Variants in PCDH11X observed in about 807,000 individuals in gnomAD.
PCDH11X encodes the protein protocadherin 11 X-linked.
In PCDH11X, 18 loss-of-function variants were observed where a neutral mutation model predicts 53.3. That is an observed-to-expected ratio of 0.34 (90% CI 0.23 to 0.50). PCDH11X has a LOEUF of 0.50. PCDH11X is among the 20% of genes least tolerant of loss of function. The pLI, the probability that PCDH11X is intolerant of heterozygous loss-of-function variation, is 0.98. For synonymous variants in PCDH11X, 279 were observed against 393.3 expected (o/e 0.71, Z 3.44); for missense variants, 570 against 1,032.4 (o/e 0.55, Z 6.14).
At chrX:92,042,067 A>G (rs1300963565) in intron 6 of PCDH11X, among the ~76,000 whole-genome samples, 2 of 111,955 alleles carry the variant, frequency 1.8e-5, no homozygotes, top group Non-Finnish European at 3.8e-5. Flanking sequence ...AAATCCTAAA[A>G]CAACTAAAGT....
intron 7 of PCDH11X, among the ~76,000 whole-genome samples, chrX:92,234,108 C>A (rs188572404): frequency 8.9e-6 from 1 of 111,947 alleles, no homozygotes; most frequent in East Asian, 2.8e-4. Flanking sequence ...AAAGCACTTA[C>A]CACTTTTCTA....
chrX:91,989,243 T>TG (rs1244551918), intron 6 of PCDH11X, among the ~76,000 whole-genome samples: 1 of 105,700 alleles, frequency 9.5e-6, no homozygotes, highest in Non-Finnish European at 1.9e-5. Flanking sequence ...ACATTTCTTG[T>TG]GAAAAAAAAA....
chrX:91,792,344 G>A (rs2524829), intron 1 of PCDH11X, among the ~76,000 whole-genome samples: 1 of 111,750 alleles, frequency 8.9e-6, no homozygotes, highest in Admixed American at 9.5e-5. Flanking sequence ...TGATGTCAGA[G>A]TATTCCAATT....
rs189446755 is a variant in PCDH11X, at chrX:92,520,157, G to A, written c.3367+51835G>A. On this transcript the variant is annotated intron_variant, in intron 10 of 10. Transcript: ENST00000682573. ...GGTATTTATAGAATAAGCATACCTCGACGATATTGTGGGCTCAGTTCCAGA... is the reference window on the plus strand; with the variant it reads ...GGTATTTATAGAATAAGCATACCTCAACGATATTGTGGGCTCAGTTCCAGA... Among the ~76,000 whole-genome samples, 546 of 109,701 alleles carry A rather than the reference G, an allele frequency of 5.0e-3. 4 individuals are homozygous for A. The highest frequency in any genetic ancestry group is 0.017 in the African/African-American group (518 of 30,199).
intron 10 of PCDH11X, among the ~76,000 whole-genome samples, chrX:92,568,500 C>CAATA (rs1198649127): frequency 1.9e-5 from 2 of 107,253 alleles, no homozygotes; most frequent in Non-Finnish European, 3.8e-5. Context: ...AGAAACTTAA[C>CAATA]AATAAAGCAA....
intron 10 of PCDH11X, among the ~76,000 whole-genome samples, chrX:92,538,264 G>A (rs904417172): frequency 7.9e-5 from 8 of 101,183 alleles, no homozygotes; most frequent in African/African-American, 2.5e-4. Context: ...TATCTATATC[G>A]GAGAAGTTTG....
At chrX:91,863,492 A>G (rs1938800558) in intron 5 of PCDH11X, among the ~76,000 whole-genome samples, 1 of 112,006 alleles carries the variant, frequency 8.9e-6, no homozygotes, top group East Asian at 2.8e-4. Flanking sequence ...GTGTGTCTTC[A>G]TAAGTGAAAT....
intron 6 of PCDH11X, among the ~76,000 whole-genome samples, chrX:92,084,849 A>C (rs1223583128): frequency 9.0e-6 from 1 of 111,015 alleles, no homozygotes; most frequent in East Asian, 2.8e-4. Context: ...ATTGTAAATG[A>C]TCTTAGGCTA....
chrX:92,360,434 A>C (rs761907990), intron 8 of PCDH11X, among the ~76,000 whole-genome samples: 351 of 111,131 alleles, frequency 3.2e-3, no homozygotes, highest in Non-Finnish European at 4.8e-3. Context: ...ACAGGAGATA[A>C]ATAAATAGAA....
At position 92,564,166 on chromosome X, in the gene PCDH11X, C is replaced by A. The variant is rs545378560; in HGVS notation, c.3368-54098C>A. Among the ~76,000 whole-genome samples the A allele has an allele frequency of 4.5e-5, 5 of 110,306 alleles. No individual in the cohort carries two copies. The South Asian group carries it at 1.5e-3, about 34-fold the overall frequency. On this transcript the variant is annotated intron_variant, in intron 10 of 10. Coordinates refer to ENST00000682573, the MANE Select transcript of PCDH11X (RefSeq NM_032968.5). ...TTTCGTGTTCATGGATTGGAAGAAT[C>A]AATATTCTCAAAATGTCCATACTAC...
intron 6 of PCDH11X, among the ~76,000 whole-genome samples, chrX:92,019,093 A>T (rs1457819039): frequency 9.0e-6 from 1 of 111,082 alleles, no homozygotes; most frequent in Non-Finnish European, 1.9e-5. Flanking sequence ...CTGAGAGTGG[A>T]TGGAGGAAAG....
rs1040359723 is a variant in PCDH11X, at chrX:92,428,258, G to A, written c.3344-40041G>A. ...TGTCCATAACAGGCTGAGTGATGTA[G>A]CAGTTGATTGCTTTGTACACATTCT... On this transcript the variant is annotated intron_variant, in intron 9 of 10. Transcript: ENST00000682573. 3.2e-4 allele frequency among the ~76,000 whole-genome samples: 36 copies of A among 111,246 alleles called. 1 individual carries two copies. The highest frequency in any genetic ancestry group is 6.0e-4 in the Non-Finnish European group (32 of 52,978).
At chrX:91,966,370 A>G (rs377351714) in intron 6 of PCDH11X, among the ~76,000 whole-genome samples, 2 of 110,289 alleles carry the variant, frequency 1.8e-5, no homozygotes, top group African/African-American at 6.7e-5. Context: ...TCAGAATACT[A>G]TTTCCTAGAA....
chrX:92,024,718 CAAAAAAAAA>C (rs199917287), intron 6 of PCDH11X, among the ~76,000 whole-genome samples: 1 of 54,675 alleles, frequency 1.8e-5, no homozygotes, highest in Admixed American at 1.9e-4. Context: ...CAATCCTAAG[CAAAAAAAAA>C]AAAAAAAAAA....
chrX:92,393,238 C>A (rs2071171691), intron 9 of PCDH11X, among the ~76,000 whole-genome samples: 1 of 110,717 alleles, frequency 9.0e-6, no homozygotes, highest in African/African-American at 3.3e-5. Flanking sequence ...CGTAGCAAGG[C>A]CAATTCTGAC....
intron 8 of PCDH11X, among the ~76,000 whole-genome samples, chrX:92,288,390 CTTTT>C (rs756662629): frequency 3.2e-5 from 3 of 94,813 alleles, no homozygotes; most frequent in Admixed American, 1.2e-4. Flanking sequence ...TTAGTTACTT[CTTTT>C]TTTTTTTTTT....
chrX:92,226,130 C>T (rs995485026), intron 7 of PCDH11X, among the ~76,000 whole-genome samples: 1 of 111,560 alleles, frequency 9.0e-6, no homozygotes, highest in African/African-American at 3.3e-5. Context: ...TCCTCCTCAT[C>T]GTAAGTGCCT....
chrX:92,374,691 A>G (rs1422854963), intron 8 of PCDH11X, among the ~76,000 whole-genome samples: 2 of 111,535 alleles, frequency 1.8e-5, no homozygotes, highest in East Asian at 5.6e-4. Context: ...TAATAGAAAG[A>G]TCCTCTGGAT....
At chrX:91,851,848 T>A (rs1017190474) in intron 5 of PCDH11X, among the ~76,000 whole-genome samples, 3 of 110,870 alleles carry the variant, frequency 2.7e-5, no homozygotes, top group Non-Finnish European at 3.8e-5. Context: ...CTTCCATTGG[T>A]AACAAATAGA....
Sources: gnomAD v4.1 joint callset for allele counts (sites outside exome capture counted in the v4.1 genomes callset) on GRCh38, gnomAD v4.1.1 for gene constraint, MANE v1.5 for transcripts, NCBI Gene and HGNC (gene_info 2026-07-23, HGNC 2026-07-21) for gene names.